Variants in CHID1 observed in about 807,000 individuals in gnomAD.
CHID1 encodes chitinase domain-containing protein 1.
CHID1 carries 44 observed loss-of-function variants against 55.4 expected under a neutral mutation model. The ratio of observed to expected loss-of-function variants is 0.79; its 90% CI spans 0.62 to 1.02. CHID1 has a LOEUF of 1.02. Among genes scored for constraint, CHID1 ranks in the 50% least tolerant of loss-of-function variants. The probability of loss-of-function intolerance (pLI) is 0.00; values close to 1 mark genes in which losing one functional copy is unlikely to be tolerated. For missense variants in CHID1, 491 were observed against 515.3 expected (o/e 0.95, Z 0.46); for synonymous variants, 216 against 212.9 (o/e 1.01, Z -0.13).
intron 5 of CHID1, among the ~76,000 whole-genome samples, chr11:900,320 A>G (rs1851713567): frequency 6.6e-6 from 1 of 152,122 alleles, no homozygotes; most frequent in African/African-American, 2.4e-5. Context: ...GTGGGGAAGG[A>G]GCGAGCAGAC....
chr11:876,903 G>A (rs1849557955), intron 10 of CHID1, among the ~76,000 whole-genome samples: 1 of 152,192 alleles, frequency 6.6e-6, no homozygotes, highest in Non-Finnish European at 1.5e-5. Flanking sequence ...AGGGGCCCCT[G>A]AGACCCAGAT....
Position 907,400 on chromosome 11 carries a change from G to GA in CHID1, c.-43-2542dup, listed in dbSNP as rs11376923. Among the ~76,000 whole-genome samples, 1,433 of 152,078 alleles carry GA rather than the reference G, an allele frequency of 9.4e-3. 19 individuals carry two copies. The highest frequency in any genetic ancestry group is 0.032 in the African/African-American group (1,321 of 41,462). ...AGAGGCTGAAGCAGGAGAATGGTGT[G>GA]AATCCAGGAGGTGGAGTTCGCAGTG... On this transcript the variant is annotated intron_variant, in intron 1 of 12. Coordinates refer to ENST00000323578, the MANE Select transcript of CHID1 (RefSeq NM_023947.4).
At chr11:903,147 T>C (rs1851948206) in intron 2 of CHID1, 36 bp from the exon 3 acceptor site, 1 of 1,598,338 alleles carries the variant, frequency 6.3e-7, no homozygotes, top group South Asian at 1.1e-5. Context: ...GCCTCAGTCA[T>C]CTGTCCACAG....
intron 7 of CHID1, among the ~76,000 whole-genome samples, chr11:893,874 G>T (rs529482660): frequency 3.3e-5 from 5 of 151,868 alleles, no homozygotes; most frequent in Non-Finnish European, 1.5e-5. Context: ...GCTCACGCCG[G>T]TAATCCCAGC....
chr11:902,476 G>T, intron 3 of CHID1, 146 bp from the exon 4 acceptor site: 1 of 847,548 alleles, frequency 1.2e-6, no homozygotes, highest in Non-Finnish European at 1.8e-6. Context: ...CTCCTGGCCT[G>T]GGGTATCCTT....
intron 1 of CHID1, among the ~76,000 whole-genome samples, chr11:906,855 CCT>C (rs1442936752): frequency 6.6e-6 from 1 of 151,982 alleles, no homozygotes; most frequent in Non-Finnish European, 1.5e-5. Context: ...ATGGACAAAC[CCT>C]GTCTCTACTG....
chr11:898,092 G>A (rs891491281), intron 7 of CHID1, among the ~76,000 whole-genome samples: 10 of 152,166 alleles, frequency 6.6e-5, no homozygotes, highest in Non-Finnish European at 1.0e-4. Context: ...GGCCTGTACC[G>A]GCTCCAGGCT....
intron 7 of CHID1, among the ~76,000 whole-genome samples, chr11:898,854 T>C (rs1851587967): frequency 6.6e-6 from 1 of 152,160 alleles, no homozygotes; most frequent in Non-Finnish European, 1.5e-5. Flanking sequence ...AGTGGACTGC[T>C]ACAAAGCCTG....
At chr11:910,598 C>T in intron 1 of CHID1, 177 bp downstream of exon 1, 1 of 1,238,018 alleles carries the variant, frequency 8.1e-7, no homozygotes, top group South Asian at 1.3e-5. Context: ...CGTCCTCACA[C>T]CCTCTCACAC....
At chr11:890,415 C>CGGCCCTGA (rs1850718689) in intron 8 of CHID1, among the ~76,000 whole-genome samples, 1 of 152,256 alleles carries the variant, frequency 6.6e-6, no homozygotes, top group African/African-American at 2.4e-5. Context: ...TAGCGATGGC[C>CGGCCCTGA]GGCCCTGAAC....
upstream of CHID1, chr11:914,720 TC>T: frequency 6.0e-6 from 2 of 334,352 alleles, no homozygotes; most frequent in Non-Finnish European, 1.1e-5. Context: ...GGACCCTGTC[TC>T]AAAAAAAAAA....
intron 2 of CHID1, 95 bp downstream of exon 2, chr11:904,611 C>A: frequency 6.8e-7 from 1 of 1,469,330 alleles, no homozygotes; most frequent in African/African-American, 1.4e-5. Context: ...GCCCCTCGAG[C>A]CTCCTGGCTC....
chr11:868,969 C>T lies in CHID1; in HGVS notation c.*889G>A, dbSNP rs1849001908. On this transcript the variant is annotated 3_prime_UTR_variant, in exon 13 of 13. Transcript: ENST00000323578. ...GGGAGTCCTCACGGCCAGCCAAGGA[C>T]AGGATGGTGACGAGGGGCAGGGGAA... The T allele has an allele frequency of 6.6e-6, 1 of 152,288 alleles. No individual in the cohort carries two copies. The highest frequency in any genetic ancestry group is 2.1e-4 in the South Asian group (1 of 4,822). 9.4% of individuals were successfully genotyped at this position (152,288 alleles called of 1,614,324 possible).
At chr11:910,850 G>A (rs1852626473), upstream of CHID1, 3 of 1,088,266 alleles carry the variant, frequency 2.8e-6, no homozygotes, top group Non-Finnish European at 3.4e-6. Context: ...TCCCGCCCCA[G>A]GCGCCCGCGC....
intron 8 of CHID1, among the ~76,000 whole-genome samples, chr11:893,104 C>T (rs1356394269): frequency 6.6e-6 from 1 of 152,200 alleles, no homozygotes; most frequent in Non-Finnish European, 1.5e-5. Context: ...CTGCCCTGGG[C>T]AGAACCCTGG....
rs1429368973 is a variant in CHID1, at chr11:868,245, C to T, written c.*1613G>A. ...GTCAGCACCTCTGGGGAGACAAGGTCAGTGCCCCAAAGCCAGTGGCAGCTT... is the reference window on the plus strand; with the variant it reads ...GTCAGCACCTCTGGGGAGACAAGGTTAGTGCCCCAAAGCCAGTGGCAGCTT... On this transcript the variant is annotated 3_prime_UTR_variant, in exon 13 of 13. Coordinates refer to ENST00000323578, the MANE Select transcript of CHID1 (RefSeq NM_023947.4). 1 of 151,986 alleles carries T rather than the reference C, an allele frequency of 6.6e-6. No individual in the cohort carries two copies. The highest frequency in any genetic ancestry group is 2.4e-5 in the African/African-American group (1 of 41,348). 9.4% of individuals were successfully genotyped at this position (151,986 alleles called of 1,614,324 possible). A position where few individuals can be genotyped will look rare whatever the true frequency, so the allele number is the denominator to read the frequency against.
intron 7 of CHID1, 90 bp from the exon 8 acceptor site, chr11:893,609 G>A: frequency 9.4e-7 from 1 of 1,067,436 alleles, no homozygotes; most frequent in Non-Finnish European, 1.4e-6. Context: ...GGAGGGGTGG[G>A]GCTGGTCCCC....
chr11:893,321 G>A, intron 8 of CHID1, 106 bp downstream of exon 8: 1 of 845,028 alleles, frequency 1.2e-6, no homozygotes, highest in Non-Finnish European at 1.9e-6. Context: ...ATGAGGTTTG[G>A]GTGCTGAGCA....
At chr11:890,975 C>T (rs1393851574) in intron 8 of CHID1, among the ~76,000 whole-genome samples, 1 of 152,208 alleles carries the variant, frequency 6.6e-6, no homozygotes, top group Non-Finnish European at 1.5e-5. Context: ...AGCCTGTGTG[C>T]TGGCAGCGCT....
Sources: gnomAD v4.1 joint callset for allele counts (sites outside exome capture counted in the v4.1 genomes callset) on GRCh38, gnomAD v4.1.1 for gene constraint, MANE v1.5 for transcripts, NCBI Gene and HGNC (gene_info 2026-07-23, HGNC 2026-07-21) for gene names.